Variants in NFAT5 observed in about 807,000 individuals in gnomAD.
The protein encoded by NFAT5 is nuclear factor of activated T-cells 5.
Under a neutral mutation model 166.5 loss-of-function variants are expected in NFAT5, and 31 were observed. The ratio of observed to expected loss-of-function variants is 0.19; its 90% CI spans 0.14 to 0.25. NFAT5 has a LOEUF of 0.25. NFAT5 is among the 10% of genes least tolerant of loss of function. The pLI, the probability that NFAT5 is intolerant of heterozygous loss-of-function variation, is 1.00. For missense variants in NFAT5, 1,449 were observed against 1,821.8 expected (o/e 0.80, Z 3.72); for synonymous variants, 612 against 639.7 (o/e 0.96, Z 0.65).
chr16:69,578,405 A>G (rs1369709685), intron 2 of NFAT5, among the ~76,000 whole-genome samples: 1 of 152,228 alleles, frequency 6.6e-6, no homozygotes, highest in African/African-American at 2.4e-5. Context: ...CCATAGTCAT[A>G]TATATACTGT....
At chr16:69,637,301 G>A (rs192025769) in intron 3 of NFAT5, among the ~76,000 whole-genome samples, 7 of 152,228 alleles carry the variant, frequency 4.6e-5, no homozygotes, top group East Asian at 3.9e-4. Flanking sequence ...ACATTTTCCT[G>A]TCTTCTTCTG....
chr16:69,691,849 C>A lies in NFAT5; in HGVS notation c.2024C>A (p.Ser675Tyr). ...FSSPSSSHLP[S>Y]ENEKQQQIQP... is the part of the protein sequence containing the mutation. ...TCACCATCATCTTCCCACCTACCTT[C>A]TGAAAATGAAAAACAGCAGCAGATT... Residue 675 changes from serine to tyrosine, a missense_variant, in exon 13 of 15, where the codon TCT (serine) becomes TAT (tyrosine). Ser to Tyr is a moderately radical substitution (Grantham distance 144). This residue lies in a region of NFAT5 where 245 missense variants were observed against 366.6 expected (regional missense o/e 0.67). Transcript: ENST00000349945. 1 of 1,614,150 alleles carries A rather than the reference C, an allele frequency of 6.2e-7. No homozygotes were observed. Among genetic ancestry groups the A allele is most frequent in the Non-Finnish European group, 8.5e-7 (1 of 1,180,010 alleles).
intron 2 of NFAT5, among the ~76,000 whole-genome samples, chr16:69,610,001 A>AAGAG (rs10599522): frequency 4.1e-5 from 6 of 148,002 alleles, no homozygotes; most frequent in African/African-American, 1.5e-4. Flanking sequence ...GTGAGACAAG[A>AAGAG]AGAGAGAGAG....
Position 69,662,166 on chromosome 16 carries a change from T to C in NFAT5, c.1369+2267T>C, listed in dbSNP as rs116510362. On this transcript the variant is annotated intron_variant, in intron 7 of 14. Coordinates refer to ENST00000349945, the MANE Select transcript of NFAT5 (RefSeq NM_138713.4). ...GTGTGAATAAAGTACAGTGGAAACA[T>C]AGTAAGAGCATCTAATTCAGACTGC... 1.5e-3 allele frequency among the ~76,000 whole-genome samples: 223 copies of C among 152,298 alleles called. 1 individual carries two copies. Among genetic ancestry groups the C allele is most frequent in the African/African-American group, 5.1e-3 (212 of 41,570 alleles).
chr16:69,702,539 T>C lies in NFAT5; in HGVS notation c.*6188T>C, dbSNP rs779556870. 6.6e-6 allele frequency: 1 copy of C among 152,190 alleles called. No individual in the cohort carries two copies. Among genetic ancestry groups the C allele is most frequent in the Non-Finnish European group, 1.5e-5 (1 of 68,036 alleles). 9.4% of individuals were successfully genotyped at this position (152,190 alleles called of 1,614,324 possible). ...TATGTGCAACCAGTGGTTCTCAGAG[T>C]ATGGTTCTCAGCCCACCAGCTAGTA... On this transcript the variant is annotated 3_prime_UTR_variant, in exon 15 of 15. Coordinates refer to ENST00000349945, the MANE Select transcript of NFAT5 (RefSeq NM_138713.4).
At chr16:69,601,939 T>A (rs1276104790) in intron 2 of NFAT5, among the ~76,000 whole-genome samples, 1 of 152,212 alleles carries the variant, frequency 6.6e-6, no homozygotes, top group Non-Finnish European at 1.5e-5. Context: ...TAAGGCTACC[T>A]GCATATTATT....
chr16:69,610,225 G>A (rs970038031), intron 2 of NFAT5, among the ~76,000 whole-genome samples: 2 of 152,158 alleles, frequency 1.3e-5, no homozygotes, highest in African/African-American at 4.8e-5. Flanking sequence ...TGGAAGATAG[G>A]ACGTGAGGGG....
intron 2 of NFAT5, among the ~76,000 whole-genome samples, chr16:69,576,343 C>G (rs189415301): frequency 6.7e-6 from 1 of 150,058 alleles, no homozygotes; most frequent in African/African-American, 2.5e-5. Flanking sequence ...ATACTTTGGG[C>G]CCTAATAAGA....
At chr16:69,675,979 GT>G (rs2036816905) in intron 9 of NFAT5, among the ~76,000 whole-genome samples, 1 of 152,154 alleles carries the variant, frequency 6.6e-6, no homozygotes, top group African/African-American at 2.4e-5. Flanking sequence ...TTCAGAGAGT[GT>G]TTTAAGATGG....
At chr16:69,568,624 A>G in intron 2 of NFAT5, 76 bp downstream of exon 2, 1 of 1,239,064 alleles carries the variant, frequency 8.1e-7, no homozygotes, top group Admixed American at 2.2e-5. Context: ...TAAATGGGAA[A>G]GTATGAAACT....
intron 5 of NFAT5, among the ~76,000 whole-genome samples, 187 bp downstream of exon 5, chr16:69,653,615 ACC>A (rs2035764062): frequency 1.4e-5 from 2 of 146,486 alleles, no homozygotes; most frequent in African/African-American, 2.5e-5. Context: ...TCACTCTGTC[ACC>A]CAGGCTGGAG....
chr16:69,566,338 C>G lies in NFAT5; in HGVS notation c.37C>G (p.Leu13Val), dbSNP rs376517669. The G allele has an allele frequency of 6.2e-7, 1 of 1,608,452 alleles. No individual in the cohort carries two copies. Among genetic ancestry groups the G allele is most frequent in the Non-Finnish European group, 8.5e-7 (1 of 1,178,170 alleles). The change falls in exon 1 of 15, where the codon CTA becomes GTA. Residue 13 changes from leucine to valine, a missense_variant. Around this residue, in one of 7 missense-constraint regions of NFAT5, gnomAD observed 172 missense variants for 194.5 expected, o/e 0.88. Coordinates refer to ENST00000349945, the MANE Select transcript of NFAT5 (RefSeq NM_138713.4). This position sits in a 1 kb window ranked among gnomAD's most constrained non-coding sequence, Gnocchi z 5.7. ...CTTCATCTCATTGCTCAGCGCGGAC[C>G]TAGACCTGGAATCGCCCAAGTCCCT... ...SDFISLLSAD[L>V]DLESPKSLYS...
At chr16:69,581,791 A>G (rs1037432003) in intron 2 of NFAT5, among the ~76,000 whole-genome samples, 1 of 152,168 alleles carries the variant, frequency 6.6e-6, no homozygotes, top group African/African-American at 2.4e-5. Context: ...TGATGAAAAA[A>G]TCTTAAAAAT....
intron 2 of NFAT5, among the ~76,000 whole-genome samples, chr16:69,619,000 C>A (rs755168569): frequency 6.6e-6 from 1 of 152,116 alleles, no homozygotes; most frequent in Non-Finnish European, 1.5e-5. Context: ...ATTTACGGAG[C>A]TTTTTTCCCC....
chr16:69,605,869 G>A (rs893059783), intron 2 of NFAT5, among the ~76,000 whole-genome samples: 8 of 151,904 alleles, frequency 5.3e-5, no homozygotes, highest in African/African-American at 1.5e-4. Context: ...GCCCGCCACT[G>A]CACCTGGCTA....
At chr16:69,573,270 A>G (rs2016545898) in intron 2 of NFAT5, among the ~76,000 whole-genome samples, 2 of 152,212 alleles carry the variant, frequency 1.3e-5, no homozygotes, top group South Asian at 4.1e-4. Flanking sequence ...TTGATATGGT[A>G]CCATCCAGAA....
At chr16:69,619,197 A>G (rs2034091001) in intron 2 of NFAT5, among the ~76,000 whole-genome samples, 1 of 152,236 alleles carries the variant, frequency 6.6e-6, no homozygotes, top group East Asian at 1.9e-4. Context: ...CTCTTAGGTC[A>G]ACAAGGGTGA....
chr16:69,581,262 G>A (rs560636458), intron 2 of NFAT5, among the ~76,000 whole-genome samples: 8 of 152,226 alleles, frequency 5.3e-5, no homozygotes, highest in East Asian at 1.9e-4. Context: ...GGGTGGTCTC[G>A]AACTCCCGAG....
chr16:69,572,739 A>C (rs1172614849), intron 2 of NFAT5, among the ~76,000 whole-genome samples: 1 of 152,226 alleles, frequency 6.6e-6, no homozygotes, highest in Non-Finnish European at 1.5e-5. Flanking sequence ...AGATTTAACA[A>C]TTTTAATGAT....
Sources: gnomAD v4.1 joint callset for allele counts (sites outside exome capture counted in the v4.1 genomes callset) on GRCh38, gnomAD v4.1.1 for gene constraint, gnomAD v4.1.1 regional missense constraint, Gnocchi (gnomAD v3.1) non-coding constraint, MANE v1.5 for transcripts, NCBI Gene and HGNC (gene_info 2026-07-23, HGNC 2026-07-21) for gene names.